IGSF22: variants seen among roughly 807,000 people sequenced by gnomAD.
The protein encoded by IGSF22 is immunoglobulin superfamily, member 22.
In IGSF22, 119 loss-of-function variants were observed where a neutral mutation model predicts 127.0. The observed-to-expected ratio is 0.94, with a 90% CI of 0.81 to 1.09. The LOEUF is 1.09. Ranked by LOEUF, IGSF22 falls within the 50% of genes least tolerant of loss-of-function variation. The pLI, the probability that IGSF22 is intolerant of heterozygous loss-of-function variation, is 0.00. For missense variants in IGSF22, 1,518 were observed against 1,716.6 expected (o/e 0.88, Z 2.04); for synonymous variants, 568 against 664.7 (o/e 0.85, Z 2.24).
intron 2 of IGSF22, 116 bp downstream of exon 2, chr11:18,724,012 G>C: frequency 1.4e-6 from 1 of 697,660 alleles, no homozygotes; most frequent in Non-Finnish European, 2.5e-6. Context: ...GGTTGCTGTT[G>C]GTATTGTGGG....
chr11:18,719,567 C>T, intron 7 of IGSF22, 149 bp downstream of exon 7: 1 of 735,610 alleles, frequency 1.4e-6, no homozygotes. Context: ...ACTTGTGCTC[C>T]CTTGCTGCTT....
chr11:18,715,480 C>T lies in IGSF22; in HGVS notation c.1483G>A (p.Asp495Asn). The change falls in exon 11 of 23, where the codon GAT (aspartate) becomes AAT (asparagine). Residue 495 changes from aspartate to asparagine, a missense_variant. Physicochemically the swap from Asp to Asn is conservative, Grantham distance 23. Transcript: ENST00000513874. The stretch of plus-strand genomic sequence containing the variant: ...CTGTAGTATTCAGTAGGGTCTCCAT[C>T]CTGCATGGCCACCACAGTGTACTCG... ...GGEYTVVAMQ[D>N]GDPTEYYSTA... The T allele has an allele frequency of 6.2e-7, 1 of 1,613,750 alleles. No individual in the cohort carries two copies. Among genetic ancestry groups the T allele is most frequent in the Non-Finnish European group, 8.5e-7 (1 of 1,179,930 alleles).
chr11:18,714,622 G>A lies in IGSF22; in HGVS notation c.1534C>T (p.Arg512Cys), dbSNP rs184394185. Residue 512 changes from arginine to cysteine, a missense_variant and splice_region_variant, in exon 12 of 23, where the codon CGT becomes TGT. Physicochemically the swap from Arg to Cys is radical, Grantham distance 180. Transcript: ENST00000513874. Reference sequence around the variant, plus strand: ...ATCCCGCTCTTCACTGTGGCCAGACGCTCTGGGGAGAAAGGTGGGCAAGGG... The same window carrying A: ...ATCCCGCTCTTCACTGTGGCCAGACACTCTGGGGAGAAAGGTGGGCAAGGG... ...YSTAIVTVEE[R>C]LATVKSGMSD... The A allele has an allele frequency of 2.3e-5, 37 of 1,613,870 alleles. No homozygotes were observed. Among genetic ancestry groups the A allele is most frequent in the African/African-American group, 2.7e-5 (2 of 75,064 alleles).
rs1162870246 is a variant in IGSF22, at chr11:18,706,193, C to T, written c.3581-47G>A. On this transcript the variant is annotated intron_variant, in intron 21 of 22. Transcript: ENST00000513874. ...GGCCGTGAGGGCGCCCCAAGGCCCCCACCCACCACCCACGTCTTACAGTTC... is the reference window on the plus strand; with the variant it reads ...GGCCGTGAGGGCGCCCCAAGGCCCCTACCCACCACCCACGTCTTACAGTTC... 28 of 1,469,242 alleles carry T rather than the reference C, an allele frequency of 1.9e-5. No homozygotes were observed. In the Admixed American group the frequency reaches 6.0e-4, roughly 31 times the overall value. 91.0% of individuals were successfully genotyped at this position (1,469,242 alleles called of 1,614,324 possible).
intron 14 of IGSF22, 61 bp downstream of exon 14, chr11:18,713,791 C>T: frequency 1.5e-6 from 2 of 1,353,714 alleles, no homozygotes; most frequent in Non-Finnish European, 2.0e-6. Flanking sequence ...CTGCCTTCTG[C>T]CCTGAGTCTG....
rs1247165746 is a variant in IGSF22, at chr11:18,710,741, C to T, written c.2486G>A (p.Gly829Glu). 5 of 1,614,046 alleles carry T rather than the reference C, an allele frequency of 3.1e-6. No homozygotes were observed. Among genetic ancestry groups the T allele is most frequent in the Non-Finnish European group, 4.2e-6 (5 of 1,180,014 alleles). The change falls in exon 16 of 23, where the codon GGG becomes GAG. Residue 829 changes from glycine (G) to glutamate (E), a missense_variant. By Grantham distance (98) the Gly-to-Glu change is moderately conservative. Transcript: ENST00000513874. ...AATGTAGCCGAGCACTGGGGCTCCC[C>T]CATCCTGGGTAGGGGCATTCCACGT... is the stretch of plus-strand genomic sequence containing the variant. The part of the protein sequence containing the change: ...TITWNAPTQD[G>E]GAPVLGYIVE...
chr11:18,711,857 C>T (rs573621683), intron 15 of IGSF22, among the ~76,000 whole-genome samples: 7 of 152,208 alleles, frequency 4.6e-5, no homozygotes, highest in South Asian at 2.1e-4. Flanking sequence ...TTGTGCACGT[C>T]CTGGGTATAC....
intron 2 of IGSF22, among the ~76,000 whole-genome samples, chr11:18,723,401 C>A (rs2134170402): frequency 6.6e-6 from 1 of 152,332 alleles, no homozygotes; most frequent in East Asian, 1.9e-4. Context: ...CCTCACTGGC[C>A]AGGAGGTGTT....
Position 18,704,434 on chromosome 11 carries a change from TA to T in IGSF22, c.*33del. ...GGACAGGCCAAGAAACTCCACATCA[TA>T]ACAGCCTCCTGATGCCTGGGCTTGG... On this transcript the variant is annotated 3_prime_UTR_variant, in exon 23 of 23. Coordinates refer to ENST00000513874, the MANE Select transcript of IGSF22 (RefSeq NM_173588.4). The T allele has an allele frequency of 6.8e-7, 1 of 1,478,070 alleles. No individual in the cohort carries two copies. Among genetic ancestry groups the T allele is most frequent in the Non-Finnish European group, 9.3e-7 (1 of 1,080,124 alleles). The allele number at this position is 1,478,070 out of a possible 1,614,324, so 91.6% of individuals were successfully genotyped here. A position where few individuals can be genotyped will look rare whatever the true frequency, so the allele number is the denominator to read the frequency against.
chr11:18,712,894 A>G (rs932427499), intron 14 of IGSF22, among the ~76,000 whole-genome samples: 6 of 152,216 alleles, frequency 3.9e-5, no homozygotes, highest in African/African-American at 1.4e-4. Flanking sequence ...AAATGCAGGT[A>G]GAGGAGGTGG....
intron 1 of IGSF22, among the ~76,000 whole-genome samples, chr11:18,725,720 G>A (rs767261982): frequency 1.3e-5 from 2 of 152,124 alleles, no homozygotes; most frequent in Admixed American, 6.5e-5. Context: ...GATTACAGGC[G>A]TGAGCCACCG....
chr11:18,714,509 A>AT lies in IGSF22; in HGVS notation c.1646dup (p.Asp549GlufsTer30), dbSNP rs1398764108. On this transcript the variant is annotated frameshift_variant, in exon 12 of 23. Coordinates refer to ENST00000513874, the MANE Select transcript of IGSF22 (RefSeq NM_173588.4). LOFTEE classifies it high-confidence loss of function. ...GGCCTCTGCTTCAGACCTCCTTGCC[A>AT]TCCTTCAGCCACACACCCTCCACCT... 9.9e-6 allele frequency: 16 copies of AT among 1,614,114 alleles called. No individual in the cohort carries two copies. In the Admixed American group the frequency reaches 1.8e-4, roughly 18 times the overall value.
At chr11:18,705,702 C>T (rs1848211299) in intron 22 of IGSF22, 115 bp downstream of exon 22, 11 of 855,144 alleles carry the variant, frequency 1.3e-5, no homozygotes, top group Non-Finnish European at 2.0e-5. Context: ...GTTTGCACCA[C>T]CTGTTGGCAG....
Position 18,714,326 on chromosome 11 carries a change from G to A in IGSF22, c.1749C>T (p.Tyr583=), listed in dbSNP as rs769502155. ...PSMGPEHEGK[Y]TFRAKGTESE... ...TTTCCGTGCCCTTGGCCCGGAATGTGTACTTGCCCTCGTGCTCAGGGCCCA... is the reference window on the plus strand; with the variant it reads ...TTTCCGTGCCCTTGGCCCGGAATGTATACTTGCCCTCGTGCTCAGGGCCCA... Residue 583 remains tyrosine (Y), a synonymous_variant, in exon 13 of 23, where the codon TAC becomes TAT. Coordinates refer to ENST00000513874, the MANE Select transcript of IGSF22 (RefSeq NM_173588.4). The A allele has an allele frequency of 1.2e-6, 2 of 1,614,254 alleles. No individual in the cohort carries two copies. The highest frequency in any genetic ancestry group is 1.7e-6 in the Non-Finnish European group (2 of 1,180,048).
At chr11:18,721,871 G>A in intron 3 of IGSF22, 39 bp downstream of exon 3, 2 of 1,609,124 alleles carry the variant, frequency 1.2e-6, no homozygotes, top group Non-Finnish European at 1.7e-6. Flanking sequence ...ATTAGAAAGC[G>A]AAGCACTGGA....
Position 18,709,453 on chromosome 11 carries a change from C to T in IGSF22, c.2932G>A (p.Val978Met). The change falls in exon 18 of 23, where the codon GTG becomes ATG. Residue 978 changes from valine (V) to methionine (M), a missense_variant. By Grantham distance (21) the Val-to-Met change is conservative. Transcript: ENST00000513874. This position sits in a 1 kb window ranked among gnomAD's most constrained non-coding sequence, Gnocchi z 4.8. ...GGCTCCCCAACCCCAGCCTCATTCA[C>T]AGCCCGGATTCGGAAGAAGTATTTC... Reference protein sequence around the residue: ...RQKYFFRIRAVNEAGVGEPVE... With the variant: ...RQKYFFRIRAMNEAGVGEPVE... 6.2e-7 allele frequency: 1 copy of T among 1,614,228 alleles called. No individual in the cohort carries two copies. The highest frequency in any genetic ancestry group is 1.7e-4 in the Middle Eastern group (1 of 6,060).
chr11:18,715,349 G>A, intron 11 of IGSF22, 83 bp downstream of exon 11: 1 of 1,418,344 alleles, frequency 7.1e-7, no homozygotes, highest in Non-Finnish European at 9.7e-7. Flanking sequence ...GGAGTTAGTG[G>A]GAGGGGGGCA....
rs1000724287 is a variant in IGSF22, at chr11:18,706,153, G to A, written c.3581-7C>T. The A allele has an allele frequency of 2.0e-5, 30 of 1,529,766 alleles. No individual in the cohort carries two copies. The highest frequency in any genetic ancestry group is 2.3e-5 in the Non-Finnish European group (26 of 1,140,648). 94.8% of individuals were successfully genotyped at this position (1,529,766 alleles called of 1,614,324 possible). ...TTGGCGCTCAGGTCCTGGACTGCGC[G>A]GGCGGGGCGGGGCAGGCCGTGAGGG... is the stretch of plus-strand genomic sequence containing the variant. On this transcript the variant is annotated splice_polypyrimidine_tract_variant and splice_region_variant and intron_variant, in intron 21 of 22. Transcript: ENST00000513874.
intron 1 of IGSF22, among the ~76,000 whole-genome samples, chr11:18,725,461 G>C (rs1848637388): frequency 6.6e-6 from 1 of 151,300 alleles, no homozygotes; most frequent in Non-Finnish European, 1.5e-5. Context: ...GTTTTTTTGA[G>C]ACAGAGTCTT....
Sources: gnomAD v4.1 joint callset for allele counts (sites outside exome capture counted in the v4.1 genomes callset) on GRCh38, gnomAD v4.1.1 for gene constraint, Gnocchi (gnomAD v3.1) non-coding constraint, MANE v1.5 for transcripts, NCBI Gene and HGNC (gene_info 2026-07-23, HGNC 2026-07-21) for gene names.